The following CAND2 variants were observed in gnomAD, a reference collection of about 807,000 sequenced individuals.
CAND2 encodes the protein cullin associated and neddylation dissociated 2 (putative).
A neutral mutation model predicts 98.9 loss-of-function variants in CAND2; 62 were observed. The observed-to-expected ratio is 0.63, with a 90% CI of 0.51 to 0.77. The LOEUF (loss-of-function observed/expected upper bound fraction) is 0.77, where lower values mean the gene tolerates loss of function less well. Ranked by LOEUF, CAND2 falls within the 30% of genes least tolerant of loss-of-function variation. The probability of loss-of-function intolerance (pLI) is 0.00; values close to 1 mark genes in which losing one functional copy is unlikely to be tolerated. For missense variants in CAND2, 1,501 were observed against 1,655.2 expected, an observed-to-expected ratio of 0.91 and a Z score of 1.62; for synonymous variants, 770 against 731.9, an observed-to-expected ratio of 1.05 and a Z score of -0.84.
rs955937933 is a variant in CAND2, at chr3:12,816,473, C to G, written c.1541C>G (p.Ala514Gly). 1 of 1,613,860 alleles carries G rather than the reference C, an allele frequency of 6.2e-7. No individual in the cohort carries two copies. The highest frequency in any genetic ancestry group is 1.3e-5 in the African/African-American group (1 of 74,930). Residue 514 changes from alanine to glycine, a missense_variant, in exon 10 of 15, where the codon GCC becomes GGC. Physicochemically the swap from Ala to Gly is moderately conservative, Grantham distance 60. Around this residue, in one of 3 missense-constraint regions of CAND2, gnomAD observed 1,427 missense variants for 1,545.3 expected, o/e 0.92. Transcript: ENST00000456430. Reference protein sequence around the residue: ...QGLLGTEPAEAFHPHLPILLP... With the variant: ...QGLLGTEPAEGFHPHLPILLP... ...CTGCTGGGCACCGAACCAGCTGAGGCCTTCCACCCACACTTGCCTATCCTC... is the reference window on the plus strand; with the variant it reads ...CTGCTGGGCACCGAACCAGCTGAGGGCTTCCACCCACACTTGCCTATCCTC...
At position 12,813,280 on chromosome 3, in the gene CAND2, G is replaced by A. The variant is rs1371658142; in HGVS notation, c.898G>A (p.Val300Met). ...GGAAATGGGTCCTCACGTGCCCAAC[G>A]TGACCAGCCTCTGCCTCCAATACAT... is the stretch of plus-strand genomic sequence containing the variant. ...PKEMGPHVPN[V>M]TSLCLQYIKH... Residue 300 changes from valine (V) to methionine (M), a missense_variant, in exon 7 of 15, where the codon GTG becomes ATG. Transcript: ENST00000456430. 10 of 1,613,824 alleles carry A rather than the reference G, an allele frequency of 6.2e-6. No individual in the cohort carries two copies. The highest frequency in any genetic ancestry group is 1.3e-5 in the African/African-American group (1 of 75,028).
intron 5 of CAND2, among the ~76,000 whole-genome samples, chr3:12,812,434 G>A (rs372952089): frequency 9.3e-6 from 1 of 107,554 alleles, no homozygotes; most frequent in South Asian, 2.9e-4. Flanking sequence ...GTCTCGCTCT[G>A]TCGCCCAGGC....
intron 2 of CAND2, among the ~76,000 whole-genome samples, chr3:12,806,495 A>G (rs1182691108): frequency 9.2e-5 from 14 of 152,170 alleles, no homozygotes; most frequent in Admixed American, 9.2e-4. Context: ...AGAACCACTC[A>G]GGTAGGGCAG....
At chr3:12,824,690 T>C (rs1188834280) in intron 11 of CAND2, among the ~76,000 whole-genome samples, 1 of 152,120 alleles carries the variant, frequency 6.6e-6, no homozygotes, top group Non-Finnish European at 1.5e-5. Flanking sequence ...GGTGGATTAC[T>C]TGAGGTCAGG....
chr3:12,828,756 T>G (rs933040926), intron 13 of CAND2, among the ~76,000 whole-genome samples: 2 of 152,212 alleles, frequency 1.3e-5, no homozygotes, highest in African/African-American at 4.8e-5. Flanking sequence ...AACTGAAAAC[T>G]GCACCCATTC....
intron 10 of CAND2, among the ~76,000 whole-genome samples, chr3:12,819,424 C>T (rs866264567): frequency 3.3e-5 from 5 of 152,212 alleles, no homozygotes; most frequent in Admixed American, 6.5e-5. Flanking sequence ...GCAGGTGGAG[C>T]GTCCACCCAT....
intron 14 of CAND2, chr3:12,832,078 G>C (rs1028446770): frequency 7.2e-5 from 11 of 152,954 alleles, no homozygotes; most frequent in African/African-American, 2.7e-4. Context: ...CACCTACGTG[G>C]TACCTAGTAA....
At chr3:12,803,667 C>T (rs75214970) in intron 2 of CAND2, 36 bp downstream of exon 2, 105,432 of 1,548,102 alleles carry the variant, frequency 0.068, 4,587 homozygotes, top group South Asian at 0.16. Context: ...GAGAGGGGGC[C>T]CTACCTTGTG....
chr3:12,797,954 T>TTAA, intron 1 of CAND2, among the ~76,000 whole-genome samples: 1 of 151,794 alleles, frequency 6.6e-6, no homozygotes, highest in Non-Finnish European at 1.5e-5. Flanking sequence ...CCCCCCCACA[T>TTAA]TAATAGAGCC....
In CAND2 at chr3:12,800,082, C is replaced by T. The variant is rs117798129; in HGVS notation, c.68+3294C>T. Reference sequence around the variant, plus strand: ...CAGAATGTCCCCTCAGCTGAGCAGACGTAGGGGTGCATGTGCTCACCTCAG... The same window carrying T: ...CAGAATGTCCCCTCAGCTGAGCAGATGTAGGGGTGCATGTGCTCACCTCAG... On this transcript the variant is annotated intron_variant, in intron 1 of 14. Transcript: ENST00000456430. Among the ~76,000 whole-genome samples the T allele has an allele frequency of 2.0e-4, 31 of 152,288 alleles. No homozygotes were observed. The East Asian group carries it at 5.6e-3, about 28-fold the overall frequency.
At chr3:12,830,909 T>G (rs1023626231) in intron 13 of CAND2, among the ~76,000 whole-genome samples, 1 of 152,180 alleles carries the variant, frequency 6.6e-6, no homozygotes, top group African/African-American at 2.4e-5. Flanking sequence ...AACCAGTCTT[T>G]ATGGTGTGCA....
At chr3:12,809,946 T>G in intron 4 of CAND2, 113 bp from the exon 5 acceptor site, 7 of 1,199,842 alleles carry the variant, frequency 5.8e-6, no homozygotes, top group Non-Finnish European at 7.7e-6. Context: ...GCAAGGGCCA[T>G]TGAGTTGCCA....
chr3:12,813,279 C>T lies in CAND2; in HGVS notation c.897C>T (p.Asn299=), dbSNP rs1037207081. ...CPKEMGPHVP[N]VTSLCLQYIK... Reference sequence around the variant, plus strand: ...AGGAAATGGGTCCTCACGTGCCCAACGTGACCAGCCTCTGCCTCCAATACA... The same window carrying T: ...AGGAAATGGGTCCTCACGTGCCCAATGTGACCAGCCTCTGCCTCCAATACA... Residue 299 remains asparagine (N), a synonymous_variant, in exon 7 of 15, where the codon AAC becomes AAT. Coordinates refer to ENST00000456430, the MANE Select transcript of CAND2 (RefSeq NM_001162499.2). The T allele has an allele frequency of 4.1e-5, 66 of 1,613,686 alleles. No homozygotes were observed. Among genetic ancestry groups the T allele is most frequent in the African/African-American group, 1.5e-4 (11 of 74,908 alleles).
chr3:12,812,462 T>C (rs1307727532), intron 5 of CAND2, among the ~76,000 whole-genome samples: 7 of 133,418 alleles, frequency 5.2e-5, no homozygotes, highest in African/African-American at 2.1e-4. Flanking sequence ...CGGACTGCAG[T>C]GGCGCAATCT....
Position 12,826,968 on chromosome 3 carries a change from C to T in CAND2, c.3211-472C>T, listed in dbSNP as rs183202243. Among the ~76,000 whole-genome samples the T allele has an allele frequency of 1.7e-3, 256 of 152,048 alleles. 7 individuals are homozygous for T. In the East Asian group the frequency reaches 0.041, roughly 24 times the overall value. On this transcript the variant is annotated intron_variant, in intron 12 of 14. Coordinates refer to ENST00000456430, the MANE Select transcript of CAND2 (RefSeq NM_001162499.2). ...GCCTCAGCCACCCAAGTAGCTGGGA[C>T]TACAGGCACGTGCCACCATGCCCGG...
In CAND2 at chr3:12,825,536, A is replaced by G. The variant is rs1287606356; in HGVS notation, c.3107A>G (p.Asn1036Ser). ...CGCCGTGCGACTCTGGCTTTCTTCA[A>G]CTCAGCTGTGCACAACAAGCCCTCG... ...NVRRATLAFF[N>S]SAVHNKPSLV... The change falls in exon 12 of 15, where the codon AAC (asparagine) becomes AGC (serine). Residue 1036 changes from asparagine to serine, a missense_variant. Asn to Ser is a conservative substitution (Grantham distance 46). This residue lies in a region of CAND2 where 1,427 missense variants were observed against 1,545.3 expected (regional missense o/e 0.92). Transcript: ENST00000456430. The G allele has an allele frequency of 1.2e-6, 2 of 1,606,108 alleles. No homozygotes were observed. Among genetic ancestry groups the G allele is most frequent in the African/African-American group, 1.3e-5 (1 of 74,780 alleles).
intron 10 of CAND2, among the ~76,000 whole-genome samples, chr3:12,818,082 G>A (rs2061924391): frequency 6.6e-6 from 1 of 152,228 alleles, no homozygotes; most frequent in Non-Finnish European, 1.5e-5. Context: ...CTGTGGGATA[G>A]AAGGGACAGA....
rs2062081331 is a variant in CAND2 at position 12,834,282 on chromosome 3, G to A, written c.*300G>A. 2.6e-6 allele frequency: 1 copy of A among 381,130 alleles called. No individual in the cohort carries two copies. 23.6% of individuals were successfully genotyped at this position (381,130 alleles called of 1,614,324 possible). On this transcript the variant is annotated 3_prime_UTR_variant, in exon 15 of 15. Coordinates refer to ENST00000456430, the MANE Select transcript of CAND2 (RefSeq NM_001162499.2). ...ACTGTACCCCTCCATAGTCTGTCTGGTTCCTTCAGAGGGTGTCTCTGCCTC... is the reference window on the plus strand; with the variant it reads ...ACTGTACCCCTCCATAGTCTGTCTGATTCCTTCAGAGGGTGTCTCTGCCTC...
At chr3:12,811,048 G>T (rs1373543664) in intron 5 of CAND2, among the ~76,000 whole-genome samples, 2 of 152,090 alleles carry the variant, frequency 1.3e-5, no homozygotes, top group Non-Finnish European at 2.9e-5. Flanking sequence ...AGTTTGGATA[G>T]AACTGGCATA....
Sources: gnomAD v4.1 joint callset for allele counts (sites outside exome capture counted in the v4.1 genomes callset) on GRCh38, gnomAD v4.1.1 for gene constraint, gnomAD v4.1.1 regional missense constraint, MANE v1.5 for transcripts, NCBI Gene and HGNC (gene_info 2026-07-23, HGNC 2026-07-21) for gene names.